AFAP1: variants seen among roughly 807,000 people sequenced by gnomAD.
AFAP1 encodes actin filament associated protein 1.
Under a neutral mutation model 93.9 loss-of-function variants are expected in AFAP1, and 75 were observed. The ratio of observed to expected loss-of-function variants is 0.80; its 90% CI spans 0.66 to 0.97. The LOEUF is 0.97. AFAP1 is among the 50% of genes least tolerant of loss of function. The probability of loss-of-function intolerance (pLI) is 0.00; values close to 1 mark genes in which losing one functional copy is unlikely to be tolerated. For missense variants in AFAP1, 1,201 were observed against 1,050.8 expected, an observed-to-expected ratio of 1.14 and a Z score of -1.98; for synonymous variants, 517 against 430.7, an observed-to-expected ratio of 1.20 and a Z score of -2.48.
chr4:7,864,164 C>CACCTTCCCAACTGCCCAT (rs1314891559), intron 3 of AFAP1, among the ~76,000 whole-genome samples: 3 of 151,914 alleles, frequency 2.0e-5, no homozygotes, highest in Admixed American at 6.6e-5. Flanking sequence ...CTCATCACAA[C>CACCTTCCCAACTGCCCAT]CCACAGGTCC....
chr4:7,870,047 T>C (rs1015167980), intron 2 of AFAP1, among the ~76,000 whole-genome samples: 2 of 152,202 alleles, frequency 1.3e-5, no homozygotes, highest in Admixed American at 6.5e-5. Flanking sequence ...GTGTTTACTA[T>C]GCATCAGGCA....
At chr4:7,783,196 G>C (rs1290886878) in intron 12 of AFAP1, among the ~76,000 whole-genome samples, 3 of 152,112 alleles carry the variant, frequency 2.0e-5, no homozygotes, top group Non-Finnish European at 4.4e-5. Context: ...CTGCAGTGCA[G>C]TGGCACAATC....
intron 3 of AFAP1, among the ~76,000 whole-genome samples, chr4:7,862,491 T>C (rs1715848761): frequency 6.6e-6 from 1 of 151,356 alleles, no homozygotes; most frequent in African/African-American, 2.4e-5. Context: ...TGGAGCTGGA[T>C]GGTGGTGATG....
rs971377132 is a variant in AFAP1, at chr4:7,770,235, G to T, written c.2254-1227C>A. Among the ~76,000 whole-genome samples, 3 of 152,182 alleles carry T rather than the reference G, an allele frequency of 2.0e-5. No homozygotes were observed. The South Asian group carries it at 6.2e-4, about 32-fold the overall frequency. ...ACTTGGGACAAAGGAGAAGCGAGGCGGGGGGTGGCAAGGCAGGAGCTGGAG... is the reference window on the plus strand; with the variant it reads ...ACTTGGGACAAAGGAGAAGCGAGGCTGGGGGTGGCAAGGCAGGAGCTGGAG... On this transcript the variant is annotated intron_variant, in intron 16 of 17. Coordinates refer to ENST00000420658, the MANE Select transcript of AFAP1 (RefSeq NM_001134647.2).
chr4:7,833,417 G>A (rs1711869628), intron 6 of AFAP1, among the ~76,000 whole-genome samples: 1 of 152,064 alleles, frequency 6.6e-6, no homozygotes, highest in South Asian at 2.1e-4. Flanking sequence ...TATCACCAAT[G>A]ATCAGGGAAA....
chr4:7,867,811 A>G (rs1029836808), intron 3 of AFAP1, among the ~76,000 whole-genome samples: 20 of 152,010 alleles, frequency 1.3e-4, no homozygotes, highest in Admixed American at 6.6e-4. Flanking sequence ...CTGCAGTGAG[A>G]AGCCCTGAGT....
At chr4:7,850,324 G>A (rs1365041227) in intron 4 of AFAP1, among the ~76,000 whole-genome samples, 1 of 152,166 alleles carries the variant, frequency 6.6e-6, no homozygotes, top group African/African-American at 2.4e-5. Flanking sequence ...GAGGAAGTGA[G>A]TGCTCATCTC....
intron 4 of AFAP1, among the ~76,000 whole-genome samples, chr4:7,854,098 T>C (rs1281743975): frequency 1.3e-5 from 2 of 152,070 alleles, no homozygotes; most frequent in African/African-American, 4.8e-5. Flanking sequence ...TGCTAGAAAA[T>C]ACCCTCAATA....
chr4:7,799,166 TGA>T (rs1237700951), intron 10 of AFAP1: 1 of 861,054 alleles, frequency 1.2e-6, no homozygotes, highest in Non-Finnish European at 1.4e-6. Flanking sequence ...TGCACAGAGC[TGA>T]GACTGGAACC....
chr4:7,882,998 A>T (rs1459068079), intron 1 of AFAP1, among the ~76,000 whole-genome samples: 2 of 152,004 alleles, frequency 1.3e-5, no homozygotes, highest in Non-Finnish European at 2.9e-5. Context: ...CAGCCCAGAC[A>T]ACATGGTAAA....
intron 12 of AFAP1, among the ~76,000 whole-genome samples, chr4:7,783,040 A>T (rs57250610): frequency 0.01 from 1,534 of 152,332 alleles, 31 homozygotes; most frequent in African/African-American, 0.032. Flanking sequence ...AAAGTATGTG[A>T]GTGTGCACAC....
At chr4:7,931,559 T>C (rs956347839) in intron 1 of AFAP1, among the ~76,000 whole-genome samples, 2 of 151,670 alleles carry the variant, frequency 1.3e-5, no homozygotes, top group African/African-American at 4.8e-5. Flanking sequence ...TTTTTTTTTT[T>C]TTGGTAGAGG....
intron 1 of AFAP1, among the ~76,000 whole-genome samples, chr4:7,890,454 G>A (rs1025500553): frequency 6.6e-6 from 1 of 152,128 alleles, no homozygotes; most frequent in African/African-American, 2.4e-5. Context: ...AAATATTTAT[G>A]ACTCTGGAGA....
chr4:7,882,692 C>A (rs1717920518), intron 1 of AFAP1, among the ~76,000 whole-genome samples: 1 of 152,106 alleles, frequency 6.6e-6, no homozygotes, highest in Admixed American at 6.5e-5. Flanking sequence ...AACCCTGTCT[C>A]TACTAAAAAT....
chr4:7,880,278 C>CTTTTT (rs35346388), intron 1 of AFAP1, among the ~76,000 whole-genome samples: 27 of 120,562 alleles, frequency 2.2e-4, no homozygotes, highest in South Asian at 5.4e-4. Context: ...ACCCAAATGC[C>CTTTTT]TTTTTTTTTT....
intron 1 of AFAP1, among the ~76,000 whole-genome samples, chr4:7,918,249 GAA>G (rs1304932765): frequency 7.2e-6 from 1 of 138,182 alleles, no homozygotes; most frequent in Non-Finnish European, 1.5e-5. Flanking sequence ...AGGTCACCAG[GAA>G]ACAGGGCTGC....
At chr4:7,793,936 C>G in intron 10 of AFAP1, 110 bp from the exon 11 acceptor site, 2 of 1,243,364 alleles carry the variant, frequency 1.6e-6, no homozygotes, top group South Asian at 2.3e-5. Flanking sequence ...AACATGATGT[C>G]CCTAAGAAGA....
intron 1 of AFAP1, among the ~76,000 whole-genome samples, chr4:7,921,181 CTT>C (rs34764139): frequency 1.5e-3 from 146 of 95,114 alleles, no homozygotes; most frequent in Non-Finnish European, 2.0e-3. Context: ...GAGAGCAAAA[CTT>C]TTTTTTTTTT....
At chr4:7,783,854 C>T (rs1011529975) in intron 12 of AFAP1, among the ~76,000 whole-genome samples, 2 of 152,092 alleles carry the variant, frequency 1.3e-5, no homozygotes, top group East Asian at 1.9e-4. Context: ...GAGGAAAAGG[C>T]GTGTGAAAGG....
Sources: gnomAD v4.1 joint callset for allele counts (sites outside exome capture counted in the v4.1 genomes callset) on GRCh38, gnomAD v4.1.1 for gene constraint, MANE v1.5 for transcripts, NCBI Gene and HGNC (gene_info 2026-07-23, HGNC 2026-07-21) for gene names.